The following NRG1 variants were observed in gnomAD, a reference collection of about 807,000 sequenced individuals.
NRG1 encodes the protein pro-neuregulin-1, membrane-bound isoform.
NRG1 carries 18 observed loss-of-function variants against 63.8 expected under a neutral mutation model. The ratio of observed to expected loss-of-function variants is 0.28; its 90% CI spans 0.19 to 0.42. The LOEUF (loss-of-function observed/expected upper bound fraction) is 0.42. NRG1 is among the 10% of genes least tolerant of loss of function. The pLI is 1.00. For synonymous variants in NRG1, 302 were observed against 301.3 expected, an observed-to-expected ratio of 1.00 and a Z score of -0.02; for missense variants, 762 against 814.7, an observed-to-expected ratio of 0.94 and a Z score of 0.79.
chr8:32,172,349 T>G lies in NRG1; in HGVS notation c.38-423479T>G, dbSNP rs534466407. ...TCCACACCAAAACCCCATTTATACA[T>G]CACCATCATCAAAGACCAAAGGTAG... On this transcript the variant is annotated intron_variant, in intron 1 of 10. Coordinates refer to the NRG1 transcript ENST00000519301. Among the ~76,000 whole-genome samples, 336 of 152,170 alleles carry G rather than the reference T, an allele frequency of 2.2e-3. 1 individual carries two copies. Among genetic ancestry groups the G allele is most frequent in the African/African-American group, 7.9e-3 (327 of 41,522 alleles).
intron 1 of NRG1, among the ~76,000 whole-genome samples, chr8:32,008,099 A>G (rs1421882321): frequency 6.6e-6 from 1 of 152,084 alleles, no homozygotes; most frequent in African/African-American, 2.4e-5. Flanking sequence ...GTTCTTATAA[A>G]AAATGAGTCT....
At chr8:32,428,230 G>A (rs1290823461) in intron 1 of NRG1, among the ~76,000 whole-genome samples, 1 of 152,182 alleles carries the variant, frequency 6.6e-6, no homozygotes, top group Non-Finnish European at 1.5e-5. Context: ...TCTGACTTCA[G>A]CATCTTTGGG....
chr8:32,508,596 C>G (rs945963905), intron 1 of NRG1, among the ~76,000 whole-genome samples: 1 of 152,094 alleles, frequency 6.6e-6, no homozygotes, highest in African/African-American at 2.4e-5. Context: ...CGCGCCTGGC[C>G]TAAGGGCTAT....
chr8:32,761,573 T>TTTATA (rs1830674434), intron 11 of NRG1, among the ~76,000 whole-genome samples: 1 of 149,314 alleles, frequency 6.7e-6, no homozygotes, highest in Non-Finnish European at 1.5e-5. Context: ...TTTATTTTAT[T>TTTATA]TTATTTTATT....
intron 4 of NRG1, 34 bp downstream of exon 4, chr8:32,614,598 C>T: frequency 6.2e-7 from 1 of 1,601,932 alleles, no homozygotes; most frequent in South Asian, 1.1e-5. Flanking sequence ...TTTTACTAAC[C>T]AGAATGACAA....
intron 1 of NRG1, among the ~76,000 whole-genome samples, chr8:31,714,348 G>T (rs1197709553): frequency 6.6e-6 from 1 of 151,790 alleles, no homozygotes; most frequent in Non-Finnish European, 1.5e-5. Flanking sequence ...TTGTATTGGT[G>T]GTCATGTATG....
chr8:32,438,554 A>AGT (rs1563465008), intron 1 of NRG1, among the ~76,000 whole-genome samples: 1 of 152,122 alleles, frequency 6.6e-6, no homozygotes, highest in Admixed American at 6.6e-5. Context: ...CCTAGGAATG[A>AGT]GTGTGATTTC....
intron 1 of NRG1, among the ~76,000 whole-genome samples, chr8:32,521,798 T>G (rs1445073669): frequency 6.6e-6 from 1 of 152,198 alleles, no homozygotes; most frequent in Non-Finnish European, 1.5e-5. Context: ...TGAAATGGCT[T>G]CTTTTACTCC....
At chr8:32,632,263 A>G (rs753959948) in intron 5 of NRG1, among the ~76,000 whole-genome samples, 1 of 152,238 alleles carries the variant, frequency 6.6e-6, no homozygotes, top group East Asian at 1.9e-4. Flanking sequence ...TTAATTGGAC[A>G]TGTCACTGGC....
At chr8:31,964,045 G>A (rs1180302040) in intron 1 of NRG1, among the ~76,000 whole-genome samples, 2 of 152,150 alleles carry the variant, frequency 1.3e-5, no homozygotes, top group African/African-American at 2.4e-5. Context: ...CCTTATAAAT[G>A]TGAGGTAGAT....
intron 1 of NRG1, among the ~76,000 whole-genome samples, chr8:32,397,989 A>C (rs1343309659): frequency 3.3e-5 from 5 of 152,230 alleles, no homozygotes; most frequent in African/African-American, 1.2e-4. Context: ...TCCCTTCATT[A>C]GAGAAAAAAA....
intron 6 of NRG1, among the ~76,000 whole-genome samples, chr8:32,740,794 T>A (rs1317870509): frequency 6.6e-6 from 1 of 152,146 alleles, no homozygotes; most frequent in East Asian, 1.9e-4. Context: ...CCTATATTGG[T>A]AACAAGGAAC....
At chr8:32,332,142 A>T (rs1802731454) in intron 1 of NRG1, among the ~76,000 whole-genome samples, 1 of 152,092 alleles carries the variant, frequency 6.6e-6, no homozygotes, top group Admixed American at 6.6e-5. Context: ...ATAAAAAAAT[A>T]TAAAAAAAAG....
chr8:32,430,787 GT>G (rs35752428), intron 1 of NRG1, among the ~76,000 whole-genome samples: 68,246 of 134,054 alleles, frequency 0.51, 15,761 homozygotes, highest in Middle Eastern at 0.56. Flanking sequence ...AATGGTTTGG[GT>G]TTTTTTTTTT....
Position 31,804,530 on chromosome 8 carries a change from C to A in NRG1, c.37+165099C>A, listed in dbSNP as rs560898110. Among the ~76,000 whole-genome samples the A allele has an allele frequency of 1.6e-4, 25 of 152,188 alleles. No individual in the cohort carries two copies. In the South Asian group the frequency reaches 5.2e-3, roughly 32 times the overall value. ...AGTAGGGAGACCCAGGAACACAGAA[C>A]CTATAATATATTAGAACCTGTTATA... On this transcript the variant is annotated intron_variant, in intron 1 of 10. Coordinates refer to the NRG1 transcript ENST00000519301.
At chr8:32,378,954 A>G (rs964486234) in intron 1 of NRG1, among the ~76,000 whole-genome samples, 1 of 151,518 alleles carries the variant, frequency 6.6e-6, no homozygotes, top group African/African-American at 2.4e-5. Context: ...TGAACTCATC[A>G]TTTTTTTTGG....
chr8:31,703,792 T>G (rs1337769149), intron 1 of NRG1, among the ~76,000 whole-genome samples: 1 of 152,220 alleles, frequency 6.6e-6, no homozygotes, highest in Non-Finnish European at 1.5e-5. Context: ...TTCAATAAAT[T>G]ATGCATACTC....
At chr8:31,733,147 T>TG (rs1330505192) in intron 1 of NRG1, among the ~76,000 whole-genome samples, 2 of 111,142 alleles carry the variant, frequency 1.8e-5, no homozygotes, top group East Asian at 4.2e-4. Flanking sequence ...GACTTTATTC[T>TG]GTTTTTTTTT....
chr8:32,074,412 T>G (rs2131069757), intron 1 of NRG1, among the ~76,000 whole-genome samples: 1 of 152,350 alleles, frequency 6.6e-6, no homozygotes, highest in South Asian at 2.1e-4. Context: ...AAATATATGT[T>G]TGAAAAAGAA....
Sources: allele counts gnomAD v4.1 joint callset (sites outside exome capture counted in the v4.1 genomes callset), GRCh38; gene constraint gnomAD v4.1.1; transcripts MANE v1.5; gene names NCBI Gene and HGNC (gene_info 2026-07-23, HGNC 2026-07-21).